MYH15: variants seen among roughly 807,000 people sequenced by gnomAD.
MYH15 encodes the protein myosin heavy chain 15.
A neutral mutation model predicts 240.5 loss-of-function variants in MYH15; 227 were observed. That is an observed-to-expected ratio of 0.94 (90% confidence interval 0.85 to 1.05). The LOEUF is 1.05. Ranked by LOEUF, MYH15 falls within the 50% of genes least tolerant of loss-of-function variation. The pLI, the probability that MYH15 is intolerant of heterozygous loss-of-function variation, is 0.00. For synonymous variants in MYH15, 785 were observed against 796.7 expected, an observed-to-expected ratio of 0.99 and a Z score of 0.25; for missense variants, 2,217 against 2,247.5, an observed-to-expected ratio of 0.99 and a Z score of 0.27.
chr3:108,441,770 T>C (rs2082886924), intron 22 of MYH15, among the ~76,000 whole-genome samples: 1 of 152,258 alleles, frequency 6.6e-6, no homozygotes, highest in African/African-American at 2.4e-5. Flanking sequence ...TTTAAATTCA[T>C]AGGCTAAATT....
intron 9 of MYH15, among the ~76,000 whole-genome samples, chr3:108,490,685 C>A (rs982376051): frequency 2.0e-5 from 3 of 152,168 alleles, no homozygotes; most frequent in Non-Finnish European, 4.4e-5. Flanking sequence ...GGATTTTATT[C>A]CTGGAAATCT....
chr3:108,500,518 T>C (rs949315628), intron 3 of MYH15, among the ~76,000 whole-genome samples: 2 of 152,080 alleles, frequency 1.3e-5, no homozygotes, highest in Admixed American at 6.5e-5. Flanking sequence ...GTCTGACACA[T>C]GAAGCTTCTG....
intron 21 of MYH15, among the ~76,000 whole-genome samples, chr3:108,451,468 C>T (rs1377626160): frequency 6.6e-6 from 1 of 151,930 alleles, no homozygotes; most frequent in African/African-American, 2.4e-5. Flanking sequence ...TAAAAGAAAG[C>T]TTTCCTGCAC....
At chr3:108,388,702 T>G (rs1458344913) in intron 38 of MYH15, among the ~76,000 whole-genome samples, 3 of 152,214 alleles carry the variant, frequency 2.0e-5, no homozygotes, top group Non-Finnish European at 4.4e-5. Flanking sequence ...ACACTATGTG[T>G]GAAAAAATCC....
intron 1 of MYH15, among the ~76,000 whole-genome samples, chr3:108,523,523 A>C (rs1321206192): frequency 6.6e-6 from 1 of 152,024 alleles, no homozygotes; most frequent in Non-Finnish European, 1.5e-5. Flanking sequence ...TCCTGTACAT[A>C]TATAAATAAC....
intron 1 of MYH15, among the ~76,000 whole-genome samples, chr3:108,518,979 A>G (rs147447650): frequency 1.3e-3 from 193 of 152,336 alleles, no homozygotes; most frequent in African/African-American, 4.4e-3. Context: ...CTTTGGGTAG[A>G]GCATTAATAA....
intron 1 of MYH15, among the ~76,000 whole-genome samples, chr3:108,523,514 C>T (rs1387835894): frequency 6.6e-6 from 1 of 151,892 alleles, no homozygotes; most frequent in African/African-American, 2.4e-5. Context: ...ATAATACACT[C>T]CTGTACATAT....
intron 7 of MYH15, among the ~76,000 whole-genome samples, chr3:108,494,781 A>C (rs1440811759): frequency 1.3e-5 from 2 of 152,022 alleles, no homozygotes; most frequent in African/African-American, 4.8e-5. Context: ...GGCATGAGCC[A>C]CCACACCTGG....
the MYH15 span, among the ~76,000 whole-genome samples, chr3:108,545,907 T>C: frequency 1.3e-5 from 2 of 152,288 alleles, no homozygotes; most frequent in Admixed American, 6.5e-5. Context: ...CCTATTACTG[T>C]ATAAATTGTT....
chr3:108,410,870 T>C lies in MYH15; in HGVS notation c.4208A>G (p.Asn1403Ser), dbSNP rs1333750850. The change falls in exon 31 of 41, where the codon AAT (asparagine) becomes AGT (serine). Residue 1403 changes from asparagine (N) to serine (S), a missense_variant. Coordinates refer to ENST00000693548, the MANE Select transcript of MYH15 (RefSeq NM_014981.3). The stretch of plus-strand genomic sequence containing the variant: ...GTGCCTGGCTCTCTCCAAGGAGGCA[T>C]TTCTGGCATTGGCCACCCCCATGGC... ...AEAMGVANAR[N>S]ASLERARHQL... 6.2e-7 allele frequency: 1 copy of C among 1,612,132 alleles called. No homozygotes were observed. The highest frequency in any genetic ancestry group is 8.5e-7 in the Non-Finnish European group (1 of 1,178,374).
Position 108,454,853 on chromosome 3 carries a change from C to T in MYH15, c.2263-711G>A, listed in dbSNP as rs891123439. On this transcript the variant is annotated intron_variant, in intron 20 of 40. Coordinates refer to ENST00000693548, the MANE Select transcript of MYH15 (RefSeq NM_014981.3). ...GCCTTTCAACCTCACTTGCCCAACC[C>T]TGAGAATGAGAGCCTCTTTGAAATT... is the stretch of plus-strand genomic sequence containing the variant. 5.9e-5 allele frequency among the ~76,000 whole-genome samples: 9 copies of T among 152,186 alleles called. No homozygotes were observed. In the East Asian group the frequency reaches 1.5e-3, roughly 26 times the overall value.
In MYH15 at chr3:108,428,648, T is replaced by C. The variant is rs2082746821; in HGVS notation, c.3546A>G (p.Ala1182=). 1 of 1,613,958 alleles carries C rather than the reference T, an allele frequency of 6.2e-7. No individual in the cohort carries two copies. The change falls in exon 27 of 41, where the codon GCA becomes GCG. Residue 1182 remains alanine, a synonymous_variant. Coordinates refer to ENST00000693548, the MANE Select transcript of MYH15 (RefSeq NM_014981.3). The part of the protein sequence containing the change: ...EATLHFETTS[A]SLKKRHADSL... ...TGTCTGCATGTCTCTTCTTCAAAGA[T>C]GCAGAAGTTGTCTCAAAGTGCAGAG...
At chr3:108,529,518 G>C (rs2083698140), upstream of MYH15, among the ~76,000 whole-genome samples, 3 of 152,140 alleles carry the variant, frequency 2.0e-5, no homozygotes, top group Admixed American at 1.3e-4. Flanking sequence ...AAGGAGTTTA[G>C]ATTTTATTCT....
intron 26 of MYH15, among the ~76,000 whole-genome samples, chr3:108,430,600 C>T (rs1221500483): frequency 6.6e-6 from 1 of 152,190 alleles, no homozygotes; most frequent in Non-Finnish European, 1.5e-5. Context: ...GCCTGGTTCA[C>T]AGCAAACAGT....
chr3:108,500,217 G>A lies in MYH15; in HGVS notation c.397C>T (p.Gln133Ter), dbSNP rs1286416318. The change falls in exon 4 of 41, where the codon CAG becomes TAG. Residue 133 changes from glutamine (Q) to a stop codon, truncating the protein, a stop_gained. Transcript: ENST00000693548. LOFTEE classifies it high-confidence loss of function. Reference sequence around the variant, plus strand: ...TTGTAGGCGGCCATGACTTCTTTCTGATACACGGGAAGCCATTTGTAAGGG... The same window carrying A: ...TTGTAGGCGGCCATGACTTCTTTCTAATACACGGGAAGCCATTTGTAAGGG... ...INPYKWLPVY[Q>*]KEVMAAYKGK... The A allele has an allele frequency of 6.2e-7, 1 of 1,614,068 alleles. No homozygotes were observed. The highest frequency in any genetic ancestry group is 1.1e-5 in the South Asian group (1 of 91,070).
chr3:108,544,011 G>C, the MYH15 span: 4 of 152,328 alleles, frequency 2.6e-5, no homozygotes, highest in East Asian at 7.7e-4. Flanking sequence ...CAGAGCTTCA[G>C]ATAAGTTGAT....
chr3:108,481,228 T>C (rs2107593552), intron 11 of MYH15, among the ~76,000 whole-genome samples: 1 of 152,376 alleles, frequency 6.6e-6, no homozygotes, highest in Non-Finnish European at 1.5e-5. Context: ...AAAAGTTATA[T>C]GTGCATATTC....
intron 28 of MYH15, 149 bp from the exon 29 acceptor site, chr3:108,417,079 C>G (rs2082640534): frequency 1.6e-6 from 1 of 621,904 alleles, no homozygotes; most frequent in Non-Finnish European, 2.8e-6. Context: ...TATTATTCAG[C>G]AAAACCGTGG....
rs752109758 is a variant in MYH15, at chr3:108,383,736, AAAT to A, written c.5632-10_5632-8del. ...ATTGATTGGCTTGTGTTTCCTATAAAAATAAAAAAAAAAAAAAAGAAATCTCCA... is the reference window on the plus strand; with the variant it reads ...ATTGATTGGCTTGTGTTTCCTATAAAAAAAAAAAAAAAAAAGAAATCTCCA... On this transcript the variant is annotated splice_region_variant and splice_polypyrimidine_tract_variant and intron_variant, in intron 39 of 40. Transcript: ENST00000693548. 159 of 1,431,228 alleles carry A rather than the reference AAAT, an allele frequency of 1.1e-4. No individual in the cohort carries two copies. The highest frequency in any genetic ancestry group is 4.6e-4 in the South Asian group (35 of 76,626). 88.7% of individuals were successfully genotyped at this position (1,431,228 alleles called of 1,614,324 possible).
Sources: gnomAD v4.1 joint callset for allele counts (sites outside exome capture counted in the v4.1 genomes callset) on GRCh38, gnomAD v4.1.1 for gene constraint, MANE v1.5 for transcripts, NCBI Gene and HGNC (gene_info 2026-07-23, HGNC 2026-07-21) for gene names.